CSNK2A2IP: variants seen among roughly 807,000 people sequenced by gnomAD.
The protein encoded by CSNK2A2IP is casein kinase II subunit alpha'-interacting protein.
the CSNK2A2IP span, among the ~76,000 whole-genome samples, chr3:88,390,541 A>T: frequency 2.0e-5 from 3 of 152,202 alleles, no homozygotes; most frequent in Non-Finnish European, 4.4e-5. Context: ...TACCAGGCAC[A>T]AATATTTGAT....
the CSNK2A2IP span, among the ~76,000 whole-genome samples, chr3:88,351,474 A>T: frequency 6.6e-6 from 1 of 152,066 alleles, no homozygotes; most frequent in South Asian, 2.1e-4. Flanking sequence ...CAAAAGCCCA[A>T]AACAAAAAAG....
the CSNK2A2IP span, among the ~76,000 whole-genome samples, chr3:88,456,539 T>C: frequency 6.6e-6 from 1 of 152,206 alleles, no homozygotes; most frequent in Non-Finnish European, 1.5e-5. Flanking sequence ...TTTTGTATGT[T>C]TATTTTGTAT....
the CSNK2A2IP span, among the ~76,000 whole-genome samples, chr3:88,349,282 C>T: frequency 6.6e-6 from 1 of 151,834 alleles, no homozygotes; most frequent in Non-Finnish European, 1.5e-5. Flanking sequence ...TCCTTCTCCC[C>T]ACTCCCAACT....
chr3:88,446,082 C>CT, the CSNK2A2IP span, among the ~76,000 whole-genome samples: 1 of 98,984 alleles, frequency 1.0e-5, no homozygotes, highest in East Asian at 2.8e-4. Flanking sequence ...TTCTTTCTTT[C>CT]TTTCTTTCTT....
chr3:88,343,487 G>A, the CSNK2A2IP span, among the ~76,000 whole-genome samples: 1 of 151,910 alleles, frequency 6.6e-6, no homozygotes, highest in African/African-American at 2.4e-5. Context: ...GCGTGGTTAT[G>A]AGTCATTAGT....
chr3:88,436,039 G>T, the CSNK2A2IP span, among the ~76,000 whole-genome samples: 3 of 151,790 alleles, frequency 2.0e-5, no homozygotes, highest in African/African-American at 4.8e-5. Flanking sequence ...GAAGGGAAGA[G>T]AATGCAAGAG....
the CSNK2A2IP span, among the ~76,000 whole-genome samples, chr3:88,415,038 C>T: frequency 6.6e-6 from 1 of 151,884 alleles, no homozygotes; most frequent in Non-Finnish European, 1.5e-5. Flanking sequence ...CACACACACA[C>T]ACAAATATTT....
At chr3:88,383,811 C>T in the CSNK2A2IP span, among the ~76,000 whole-genome samples, 18 of 151,910 alleles carry the variant, frequency 1.2e-4, no homozygotes, top group African/African-American at 4.1e-4. Context: ...CTACAGGTGC[C>T]CGCCACCACG....
At chr3:88,380,265 A>G in the CSNK2A2IP span, among the ~76,000 whole-genome samples, 81 of 152,204 alleles carry the variant, frequency 5.3e-4, no homozygotes, top group African/African-American at 1.9e-3. Context: ...CAAACCACAA[A>G]TACAGATAAT....
At chr3:88,431,959 C>T in the CSNK2A2IP span, among the ~76,000 whole-genome samples, 1 of 151,960 alleles carries the variant, frequency 6.6e-6, no homozygotes, top group Non-Finnish European at 1.5e-5. Context: ...AAGCCATTTT[C>T]CCATGATATA....
At chr3:88,430,056 C>T in the CSNK2A2IP span, among the ~76,000 whole-genome samples, 1 of 152,046 alleles carries the variant, frequency 6.6e-6, no homozygotes, top group Non-Finnish European at 1.5e-5. Context: ...CCACTGCGCC[C>T]GGCCGAGTAG....
chr3:88,425,284 G>A, the CSNK2A2IP span, among the ~76,000 whole-genome samples: 1 of 152,012 alleles, frequency 6.6e-6, no homozygotes, highest in Non-Finnish European at 1.5e-5. Context: ...AGCTCTCTGT[G>A]ACATTTAGTA....
At chr3:88,339,836 T>C in the CSNK2A2IP span, among the ~76,000 whole-genome samples, 1 of 152,102 alleles carries the variant, frequency 6.6e-6, no homozygotes, top group African/African-American at 2.4e-5. Context: ...TGAGAACCTA[T>C]GGTTGTGTCC....
chr3:88,400,507 G>C, the CSNK2A2IP span, among the ~76,000 whole-genome samples: 1 of 152,144 alleles, frequency 6.6e-6, no homozygotes, highest in African/African-American at 2.4e-5. Context: ...TAAGAACCTT[G>C]AGATAAGATT....
chr3:88,437,180 T>C, the CSNK2A2IP span, among the ~76,000 whole-genome samples: 1 of 152,196 alleles, frequency 6.6e-6, no homozygotes, highest in Non-Finnish European at 1.5e-5. Context: ...TTTTCACACT[T>C]ATGTACATTT....
At chr3:88,404,554 C>G in the CSNK2A2IP span, among the ~76,000 whole-genome samples, 1 of 152,068 alleles carries the variant, frequency 6.6e-6, no homozygotes, top group African/African-American at 2.4e-5. Flanking sequence ...TCAACCTTCC[C>G]TCTTTAAGCC....
the CSNK2A2IP span, among the ~76,000 whole-genome samples, chr3:88,371,970 C>T: frequency 6.6e-6 from 1 of 151,640 alleles, no homozygotes; most frequent in African/African-American, 2.4e-5. Context: ...GCCAAGCTGT[C>T]TCTCAAAATG....
the CSNK2A2IP span, among the ~76,000 whole-genome samples, chr3:88,358,002 C>G: frequency 6.6e-6 from 1 of 152,138 alleles, no homozygotes; most frequent in South Asian, 2.1e-4. Flanking sequence ...GCTTGAGCCA[C>G]TGCTCCCAGT....
the CSNK2A2IP span, among the ~76,000 whole-genome samples, chr3:88,344,320 C>T: frequency 1.3e-5 from 2 of 151,808 alleles, no homozygotes; most frequent in Non-Finnish European, 2.9e-5. Context: ...TTTAGACTTG[C>T]AATGAAGGCA....
Sources: allele counts gnomAD v4.1 joint callset (sites outside exome capture counted in the v4.1 genomes callset), GRCh38; gene constraint gnomAD v4.1.1; transcripts MANE v1.5; gene names NCBI Gene and HGNC (gene_info 2026-07-23, HGNC 2026-07-21).